The following PCDHGA6 variants were observed in gnomAD, a reference collection of about 807,000 sequenced individuals.
PCDHGA6 encodes the protein protocadherin gamma subfamily A, 6, also known as protocadherin gamma-A6.
PCDHGA6 carries 41 observed loss-of-function variants against 60.6 expected under a neutral mutation model. That is an observed-to-expected ratio of 0.68 (90% CI 0.53 to 0.88). The LOEUF is 0.88. Ranked by LOEUF, PCDHGA6 falls within the 40% of genes least tolerant of loss-of-function variation. The pLI is 0.00. For synonymous variants in PCDHGA6, 594 were observed against 524.4 expected, an observed-to-expected ratio of 1.13 and a Z score of -1.81; for missense variants, 1,312 against 1,203.0, an observed-to-expected ratio of 1.09 and a Z score of -1.34.
chr5:141,399,605 A>G, intron 1 of PCDHGA6: 1 of 1,613,968 alleles, frequency 6.2e-7, no homozygotes, highest in Non-Finnish European at 8.5e-7. Context: ...AGCGACCTAG[A>G]GCCTCTGGCA....
intron 1 of PCDHGA6, chr5:141,423,252 C>T (rs2096724826): frequency 1.2e-6 from 2 of 1,613,802 alleles, no homozygotes; most frequent in South Asian, 2.2e-5. Context: ...TCCTGGCGGA[C>T]CTCGGCAGCC....
At chr5:141,423,167 T>C in intron 1 of PCDHGA6, 1 of 1,613,424 alleles carries the variant, frequency 6.2e-7, no homozygotes, top group Non-Finnish European at 8.5e-7. Context: ...GTGGTGGCCG[T>C]CCAGGACCAC....
At chr5:141,399,915 C>T in intron 1 of PCDHGA6, 1 of 1,612,364 alleles carries the variant, frequency 6.2e-7, no homozygotes, top group Non-Finnish European at 8.5e-7. Flanking sequence ...ACTCAGGACA[C>T]AACGCCTGGC....
intron 1 of PCDHGA6, chr5:141,394,693 G>T (rs1310404999): frequency 1.2e-6 from 2 of 1,612,890 alleles, no homozygotes; most frequent in African/African-American, 1.3e-5. Context: ...GGCGAGGTGC[G>T]CACGGCGCGA....
In PCDHGA6 at chr5:141,438,090, A is replaced by G. The variant is rs560861677; in HGVS notation, c.2425-56717A>G. 1.2e-4 allele frequency among the ~76,000 whole-genome samples: 18 copies of G among 152,310 alleles called. No individual in the cohort carries two copies. In the South Asian group the frequency reaches 3.5e-3, roughly 30 times the overall value. ...CATACTTAATGGAAAATTACCAGTA[A>G]CAGGGCATACTGTTTAGGATGCATT... On this transcript the variant is annotated intron_variant, in intron 1 of 3. Coordinates refer to ENST00000517434, the MANE Select transcript of PCDHGA6 (RefSeq NM_018919.3).
chr5:141,423,877 C>A, intron 1 of PCDHGA6: 1 of 1,283,890 alleles, frequency 7.8e-7, no homozygotes, highest in Non-Finnish European at 9.9e-7. Flanking sequence ...ATTTTTCAAT[C>A]TTGGCATATT....
chr5:141,405,815 T>C (rs755764286), intron 1 of PCDHGA6, among the ~76,000 whole-genome samples: 14 of 103,812 alleles, frequency 1.3e-4, no homozygotes, highest in Non-Finnish European at 2.3e-4. Flanking sequence ...TCTTTAACTG[T>C]CTGTACTTAA....
chr5:141,420,004 G>C (rs768411058), intron 1 of PCDHGA6: 4 of 1,614,084 alleles, frequency 2.5e-6, no homozygotes, highest in Non-Finnish European at 3.4e-6. Flanking sequence ...CTCTACGCCT[G>C]CGACAGTCTT....
chr5:141,377,605 C>CTCA (rs200405264), intron 1 of PCDHGA6: 6 of 140,756 alleles, frequency 4.3e-5, no homozygotes, highest in South Asian at 4.7e-4. Context: ...CTCTCTCTCT[C>CTCA]AAAAAAAAAA....
At chr5:141,505,816 C>A (rs1236221927) in intron 3 of PCDHGA6, among the ~76,000 whole-genome samples, 2 of 152,178 alleles carry the variant, frequency 1.3e-5, no homozygotes, top group African/African-American at 4.8e-5. Flanking sequence ...CTTGCTCAAT[C>A]TCTCTAAACC....
chr5:141,421,837 G>A, intron 1 of PCDHGA6: 1 of 1,613,782 alleles, frequency 6.2e-7, no homozygotes. Flanking sequence ...CCTGGACCGA[G>A]AGAAAGAGGC....
intron 1 of PCDHGA6, chr5:141,417,757 G>A: frequency 7.0e-7 from 1 of 1,435,144 alleles, no homozygotes; most frequent in Non-Finnish European, 9.2e-7. Flanking sequence ...CCAGCTCCGA[G>A]ACCCGGGACT....
intron 1 of PCDHGA6, chr5:141,423,365 T>A (rs1338039878): frequency 1.9e-6 from 3 of 1,614,096 alleles, no homozygotes; most frequent in South Asian, 1.1e-5. Context: ...ATCGTGCTGC[T>A]GGCACTCAGG....
intron 1 of PCDHGA6, among the ~76,000 whole-genome samples, chr5:141,386,342 A>C (rs1000567568): frequency 2.0e-5 from 3 of 152,226 alleles, no homozygotes; most frequent in Non-Finnish European, 2.9e-5. Context: ...GGGGTGGATG[A>C]CAAGGTAATC....
intron 1 of PCDHGA6, chr5:141,421,219 G>T (rs894586889): frequency 1.0e-5 from 16 of 1,573,208 alleles, no homozygotes; most frequent in Non-Finnish European, 1.3e-5. Context: ...TATCGGCTTA[G>T]AGCCTGCCAT....
At chr5:141,418,568 G>A (rs769914679) in intron 1 of PCDHGA6, 62 of 1,613,902 alleles carry the variant, frequency 3.8e-5, no homozygotes, top group Non-Finnish European at 5.2e-5. Context: ...AGATGCCAAT[G>A]ACAACCCCCC....
rs1222348421 is a variant in PCDHGA6, at chr5:141,511,044, C to T, written c.2670C>T (p.Asp890=). 1 of 1,614,128 alleles carries T rather than the reference C, an allele frequency of 6.2e-7. No homozygotes were observed. The highest frequency in any genetic ancestry group is 1.3e-5 in the African/African-American group (1 of 74,940). ...GPQFTLQHVP[D]YRQNVYIPGS... is the part of the protein sequence containing the mutation. ...AGTTCACCCTGCAGCACGTGCCCGA[C>T]TACCGCCAGAATGTCTACATCCCAG... The change falls in exon 4 of 4, where the codon GAC becomes GAT. Residue 890 remains aspartate, a synonymous_variant. Coordinates refer to ENST00000517434, the MANE Select transcript of PCDHGA6 (RefSeq NM_018919.3).
intron 1 of PCDHGA6, among the ~76,000 whole-genome samples, chr5:141,472,980 CAAAAA>C (rs60579131): frequency 1.2e-5 from 1 of 86,106 alleles, no homozygotes; most frequent in African/African-American, 3.9e-5. Flanking sequence ...GAGTGAAACT[CAAAAA>C]AAAAAAAAAA....
Position 141,477,403 on chromosome 5 carries a change from C to T in PCDHGA6, c.2425-17404C>T, listed in dbSNP as rs1329599078. 2 of 1,614,164 alleles carry T rather than the reference C, an allele frequency of 1.2e-6. No individual in the cohort carries two copies. Among genetic ancestry groups the T allele is most frequent in the Non-Finnish European group, 1.7e-6 (2 of 1,180,042 alleles). ...CAGAATACAACCTCAGCATCACCGC[C>T]CGAGACGCCGGAACCCCTTCCCTCT... is the stretch of plus-strand genomic sequence containing the variant. On this transcript the variant is annotated intron_variant, in intron 1 of 3. Transcript: ENST00000517434. The surrounding 1 kb of genome is among the most constrained non-coding windows in gnomAD (Gnocchi z 4.9).
Sources: allele counts gnomAD v4.1 joint callset (sites outside exome capture counted in the v4.1 genomes callset), GRCh38; gene constraint gnomAD v4.1.1; non-coding constraint Gnocchi (gnomAD v3.1); transcripts MANE v1.5; gene names NCBI Gene and HGNC (gene_info 2026-07-23, HGNC 2026-07-21).